PRKCE: variants seen among roughly 807,000 people sequenced by gnomAD.
PRKCE encodes the protein protein kinase C epsilon, also known as protein kinase C epsilon type.
In PRKCE, 16 loss-of-function variants were observed where a neutral mutation model predicts 85.4. The observed-to-expected ratio is 0.19, with a 90% confidence interval of 0.13 to 0.28. PRKCE has a LOEUF of 0.28. PRKCE is among the 10% of genes least tolerant of loss of function. The pLI, the probability that PRKCE is intolerant of heterozygous loss-of-function variation, is 1.00. For synonymous variants in PRKCE, 388 were observed against 371.5 expected (o/e 1.04, Z -0.51); for missense variants, 573 against 975.2 (o/e 0.59, Z 5.49).
intron 1 of PRKCE, among the ~76,000 whole-genome samples, chr2:45,709,394 C>G (rs769046811): frequency 2.6e-5 from 4 of 152,366 alleles, no homozygotes; most frequent in Admixed American, 6.5e-5. Context: ...TTGCTTCATG[C>G]CCTATATCAG....
At chr2:45,997,862 A>G (rs1298260077) in intron 6 of PRKCE, among the ~76,000 whole-genome samples, 1 of 152,176 alleles carries the variant, frequency 6.6e-6, no homozygotes, top group African/African-American at 2.4e-5. Flanking sequence ...GTTGTATTTT[A>G]ATTAATTCAA....
At position 45,907,388 on chromosome 2, in the gene PRKCE, C is replaced by A. The variant is rs1013084861; in HGVS notation, c.412+64325C>A. 6.6e-6 allele frequency among the ~76,000 whole-genome samples: 1 copy of A among 152,224 alleles called. No individual in the cohort carries two copies. The highest frequency in any genetic ancestry group is 1.5e-5 in the Non-Finnish European group (1 of 68,038). ...TGTGTCTGGGTTCAAAAGCCAAGAACATCTGCGAGTCCTGCATTGCATTTG... is the reference window on the plus strand; with the variant it reads ...TGTGTCTGGGTTCAAAAGCCAAGAAAATCTGCGAGTCCTGCATTGCATTTG... On this transcript the variant is annotated intron_variant, in intron 2 of 14. Transcript: ENST00000306156. This position sits in a 1 kb window ranked among gnomAD's most constrained non-coding sequence, Gnocchi z 4.5.
chr2:46,077,664 T>C (rs1668677496), intron 10 of PRKCE, among the ~76,000 whole-genome samples: 2 of 152,198 alleles, frequency 1.3e-5, no homozygotes, highest in Non-Finnish European at 2.9e-5. Context: ...TTTTTAAACA[T>C]CATTAAGGTG....
chr2:46,061,365 C>T (rs1003580566), intron 10 of PRKCE, among the ~76,000 whole-genome samples: 1 of 152,118 alleles, frequency 6.6e-6, no homozygotes, highest in African/African-American at 2.4e-5. Flanking sequence ...CCTGCCTCAG[C>T]CTCCCAAAGG....
At chr2:45,823,153 A>G (rs1441853076) in intron 1 of PRKCE, among the ~76,000 whole-genome samples, 1 of 152,206 alleles carries the variant, frequency 6.6e-6, no homozygotes, top group Non-Finnish European at 1.5e-5. Flanking sequence ...AAACTTGTCA[A>G]GGAATGAAAT....
intron 1 of PRKCE, among the ~76,000 whole-genome samples, chr2:45,689,418 C>T (rs903721248): frequency 3.3e-5 from 5 of 152,122 alleles, no homozygotes; most frequent in African/African-American, 7.2e-5. Context: ...ATTCTCTATA[C>T]CTTGTTTCCT....
chr2:45,713,739 G>A (rs138425501), intron 1 of PRKCE, among the ~76,000 whole-genome samples: 178 of 152,282 alleles, frequency 1.2e-3, no homozygotes, highest in African/African-American at 4.2e-3. Context: ...TAAATGAGAA[G>A]TGAAGATAAA....
At chr2:46,162,889 C>G (rs751405805) in intron 14 of PRKCE, among the ~76,000 whole-genome samples, 8 of 152,188 alleles carry the variant, frequency 5.3e-5, no homozygotes, top group Non-Finnish European at 1.2e-4. Context: ...AAATCAAAAG[C>G]TCTTTTCTGA....
chr2:45,979,708 G>A (rs763221913), intron 4 of PRKCE, among the ~76,000 whole-genome samples: 4 of 152,260 alleles, frequency 2.6e-5, no homozygotes, highest in African/African-American at 4.8e-5. Context: ...GTTCCTTGGG[G>A]TAACACGCAC....
intron 1 of PRKCE, among the ~76,000 whole-genome samples, chr2:45,756,371 A>G: frequency 6.6e-6 from 1 of 152,234 alleles, no homozygotes; most frequent in East Asian, 1.9e-4. Flanking sequence ...AGGATGGGAA[A>G]GTACAAAACT....
intron 1 of PRKCE, among the ~76,000 whole-genome samples, chr2:45,800,969 G>A (rs1687817725): frequency 6.6e-6 from 1 of 152,216 alleles, no homozygotes; most frequent in Non-Finnish European, 1.5e-5. Context: ...GAGAAATGCA[G>A]CAGTTGCCTG....
intron 13 of PRKCE, among the ~76,000 whole-genome samples, chr2:46,157,629 C>A (rs768155514): frequency 6.6e-6 from 1 of 152,160 alleles, no homozygotes; most frequent in African/African-American, 2.4e-5. Context: ...TTAACCAGTT[C>A]GTGAGGGTGA....
chr2:46,164,515 A>T (rs1196518287), intron 14 of PRKCE, among the ~76,000 whole-genome samples: 1 of 152,202 alleles, frequency 6.6e-6, no homozygotes, highest in Non-Finnish European at 1.5e-5. Flanking sequence ...GCATCATACT[A>T]GAATGACACC....
At position 46,139,713 on chromosome 2, in the gene PRKCE, T is replaced by TATATAC. The variant is rs1195988661; in HGVS notation, c.1593-5368_1593-5363dup. Among the ~76,000 whole-genome samples the TATATAC allele has an allele frequency of 1.3e-5, 2 of 151,406 alleles. No homozygotes were observed. The highest frequency in any genetic ancestry group is 2.4e-5 in the African/African-American group (1 of 41,172). On this transcript the variant is annotated intron_variant, in intron 11 of 14. Transcript: ENST00000306156. This position sits in a 1 kb window ranked among gnomAD's most constrained non-coding sequence, Gnocchi z 5.2. ...ATATATGTGTGTGTATATATATACA[T>TATATAC]ATATACATATACATATATATCTAGA...
intron 11 of PRKCE, among the ~76,000 whole-genome samples, chr2:46,137,119 C>T (rs1005836675): frequency 1.3e-5 from 2 of 152,174 alleles, no homozygotes; most frequent in Non-Finnish European, 2.9e-5. Context: ...AGCACTTTCG[C>T]AGAGGTTACA....
rs1382754768 is a variant in PRKCE at position 46,186,466 on chromosome 2, A to G, written c.*1585A>G. 6.6e-6 allele frequency: 1 copy of G among 152,666 alleles called. No individual in the cohort carries two copies. The highest frequency in any genetic ancestry group is 2.4e-5 in the African/African-American group (1 of 41,460). The allele number at this position is 152,666 out of a possible 1,614,324, so 9.5% of individuals were successfully genotyped here. On this transcript the variant is annotated 3_prime_UTR_variant, in exon 15 of 15. Transcript: ENST00000306156. ...CAACTGCTGCATGTTCAGGCATATT[A>G]TAAAACTTTAGTCTATGAAAGAATA...
chr2:46,160,489 A>C (rs1488991600), intron 14 of PRKCE, among the ~76,000 whole-genome samples: 1 of 152,228 alleles, frequency 6.6e-6, no homozygotes, highest in Non-Finnish European at 1.5e-5. Flanking sequence ...AGCGTGTGTT[A>C]TCTTAATTCT....
In PRKCE at chr2:45,942,394, G is replaced by C. The variant is rs573782167; in HGVS notation, c.413-34035G>C. Among the ~76,000 whole-genome samples the C allele has an allele frequency of 7.9e-5, 12 of 152,162 alleles. No homozygotes were observed. In the South Asian group the frequency reaches 1.0e-3, roughly 13 times the overall value. ...GTGCAAGTGAGAAAAAAATCATATA[G>C]GCAGTATGTTCCTCCCTGAAATCCA... On this transcript the variant is annotated intron_variant, in intron 2 of 14. Transcript: ENST00000306156.
intron 2 of PRKCE, among the ~76,000 whole-genome samples, chr2:45,965,271 T>G (rs1701657681): frequency 6.6e-6 from 1 of 152,248 alleles, no homozygotes; most frequent in Non-Finnish European, 1.5e-5. Flanking sequence ...TTACACAATA[T>G]TTAAAACTCA....
Sources: allele counts gnomAD v4.1 joint callset (sites outside exome capture counted in the v4.1 genomes callset), GRCh38; gene constraint gnomAD v4.1.1; non-coding constraint Gnocchi (gnomAD v3.1); transcripts MANE v1.5; gene names NCBI Gene and HGNC (gene_info 2026-07-23, HGNC 2026-07-21).